AKAP13: variants seen among roughly 807,000 people sequenced by gnomAD.
The protein encoded by AKAP13 is A-kinase anchoring protein 13, also known as A-kinase anchor protein 13.
Under a neutral mutation model 264.5 loss-of-function variants are expected in AKAP13, and 80 were observed. The observed-to-expected ratio is 0.30, with a 90% confidence interval of 0.25 to 0.36. AKAP13 has a LOEUF of 0.36. Among genes scored for constraint, AKAP13 ranks in the 10% least tolerant of loss-of-function variants. The pLI, the probability that AKAP13 is intolerant of heterozygous loss-of-function variation, is 1.00. For synonymous variants in AKAP13, 1,380 were observed against 1,250.2 expected, an observed-to-expected ratio of 1.10 and a Z score of -2.19; for missense variants, 3,712 against 3,435.2, an observed-to-expected ratio of 1.08 and a Z score of -2.01.
chr15:85,624,635 C>T (rs547642673), intron 8 of AKAP13: 9 of 152,214 alleles, frequency 5.9e-5, no homozygotes, highest in Non-Finnish European at 8.8e-5. Flanking sequence ...TTTTGTTCAG[C>T]CTTGTAGCTC....
chr15:85,468,575 A>G (rs1402042270), intron 1 of AKAP13, among the ~76,000 whole-genome samples: 1 of 152,216 alleles, frequency 6.6e-6, no homozygotes, highest in Non-Finnish European at 1.5e-5. Context: ...CTCTCAGATG[A>G]GTTCTGTTGT....
chr15:85,552,370 G>A (rs983580373), intron 5 of AKAP13, among the ~76,000 whole-genome samples: 4 of 152,002 alleles, frequency 2.6e-5, no homozygotes, highest in Admixed American at 6.5e-5. Flanking sequence ...TTAGGATTCT[G>A]GATTTAATGA....
At chr15:85,570,659 G>A (rs76548210) in intron 5 of AKAP13, among the ~76,000 whole-genome samples, 11,259 of 152,238 alleles carry the variant, frequency 0.074, 712 homozygotes, top group East Asian at 0.36. Flanking sequence ...GCAGTCCTGT[G>A]CTTTGTAGGA....
intron 25 of AKAP13, 121 bp downstream of exon 25, chr15:85,722,468 G>A: frequency 1.2e-6 from 1 of 813,558 alleles, no homozygotes; most frequent in Non-Finnish European, 1.9e-6. Flanking sequence ...GAGACCTTGT[G>A]TTTTATCTTG....
chr15:85,387,283 C>T (rs2070617931), intron 1 of AKAP13, among the ~76,000 whole-genome samples: 1 of 152,058 alleles, frequency 6.6e-6, no homozygotes. Context: ...TTACAGTGAG[C>T]CGACATTGCG....
chr15:85,601,815 A>T (rs2080091085), intron 8 of AKAP13, among the ~76,000 whole-genome samples: 1 of 151,876 alleles, frequency 6.6e-6, no homozygotes. Flanking sequence ...TGAGAAATTT[A>T]AAAAATGTTT....
intron 2 of AKAP13, among the ~76,000 whole-genome samples, chr15:85,520,204 G>A (rs1176972442): frequency 6.6e-6 from 1 of 151,912 alleles, no homozygotes; most frequent in East Asian, 1.9e-4. Flanking sequence ...AACTACTAAA[G>A]AGTATTTGCG....
intron 1 of AKAP13, among the ~76,000 whole-genome samples, chr15:85,470,637 C>G (rs1411201132): frequency 6.6e-6 from 1 of 152,162 alleles, no homozygotes; most frequent in African/African-American, 2.4e-5. Flanking sequence ...TCCAAAATAG[C>G]TTTTCTTATC....
chr15:85,666,170 T>C (rs757278019), intron 13 of AKAP13, among the ~76,000 whole-genome samples: 2 of 152,208 alleles, frequency 1.3e-5, no homozygotes, highest in African/African-American at 2.4e-5. Flanking sequence ...TATCTCTCCA[T>C]ATCCTCTCCA....
intron 19 of AKAP13, among the ~76,000 whole-genome samples, chr15:85,714,108 A>C (rs1483759948): frequency 6.6e-6 from 1 of 152,214 alleles, no homozygotes; most frequent in Non-Finnish European, 1.5e-5. Context: ...TACCAATAAC[A>C]TAAACAGTCA....
rs541185759 is a variant in AKAP13, at chr15:85,718,632, C to T, written c.6002-444C>T. On this transcript the variant is annotated intron_variant, in intron 22 of 36. Coordinates refer to ENST00000394518, the MANE Select transcript of AKAP13 (RefSeq NM_007200.5). This position sits in a 1 kb window ranked among gnomAD's most constrained non-coding sequence, Gnocchi z 4.9. Reference sequence around the variant, plus strand: ...GACGAAAACACTTGACCAGGCTCAGCGGCTCATACCTGTAATCCCAGCACT... The same window carrying T: ...GACGAAAACACTTGACCAGGCTCAGTGGCTCATACCTGTAATCCCAGCACT... 2.0e-5 allele frequency among the ~76,000 whole-genome samples: 3 copies of T among 152,228 alleles called. No individual in the cohort carries two copies. Among genetic ancestry groups the T allele is most frequent in the African/African-American group, 4.8e-5 (2 of 41,528 alleles).
At chr15:85,517,658 A>G (rs1238389625) in intron 2 of AKAP13, among the ~76,000 whole-genome samples, 1 of 152,138 alleles carries the variant, frequency 6.6e-6, no homozygotes, top group Admixed American at 6.5e-5. Flanking sequence ...TTTTAAAGTA[A>G]CTGTTTTATA....
intron 2 of AKAP13, among the ~76,000 whole-genome samples, chr15:85,497,872 G>A (rs187019109): frequency 3.9e-5 from 6 of 152,256 alleles, no homozygotes; most frequent in Admixed American, 1.3e-4. Flanking sequence ...CATGATGAAA[G>A]TCATACCCAA....
chr15:85,582,991 C>G, intron 7 of AKAP13: 2 of 985,456 alleles, frequency 2.0e-6, no homozygotes, highest in Non-Finnish European at 2.4e-6. Flanking sequence ...TGGAAATAAA[C>G]TATCTGAATA....
chr15:85,674,608 G>T (rs1017090405), intron 14 of AKAP13, among the ~76,000 whole-genome samples: 1 of 152,148 alleles, frequency 6.6e-6, no homozygotes, highest in Non-Finnish European at 1.5e-5. Context: ...GCTTGTAGTT[G>T]TATGGCATGC....
At chr15:85,596,170 G>A (rs537364014) in intron 8 of AKAP13, among the ~76,000 whole-genome samples, 3 of 152,290 alleles carry the variant, frequency 2.0e-5, no homozygotes, top group East Asian at 3.9e-4. Flanking sequence ...ATACTCTTAT[G>A]AGCACATTTA....
chr15:85,590,202 G>A, intron 8 of AKAP13, among the ~76,000 whole-genome samples: 1 of 152,174 alleles, frequency 6.6e-6, no homozygotes, highest in East Asian at 1.9e-4. Context: ...TGTATCTTAT[G>A]CTTTGCTACC....
At chr15:85,676,986 G>A (rs2084263249) in intron 14 of AKAP13, 1 of 985,376 alleles carries the variant, frequency 1.0e-6, no homozygotes, top group African/African-American at 1.7e-5. Context: ...CTCAGCAGCA[G>A]ATGCGGCCAG....
chr15:85,641,303 G>C (rs1030835769), intron 9 of AKAP13, among the ~76,000 whole-genome samples: 5 of 151,012 alleles, frequency 3.3e-5, no homozygotes, highest in African/African-American at 1.2e-4. Flanking sequence ...AAAATTAGCC[G>C]GGTGTGGTGG....
Sources: gnomAD v4.1 joint callset for allele counts (sites outside exome capture counted in the v4.1 genomes callset) on GRCh38, gnomAD v4.1.1 for gene constraint, Gnocchi (gnomAD v3.1) non-coding constraint, MANE v1.5 for transcripts, NCBI Gene and HGNC (gene_info 2026-07-23, HGNC 2026-07-21) for gene names.